MYMK: variants seen among roughly 807,000 people sequenced by gnomAD.
The protein encoded by MYMK is myomaker, myoblast fusion factor, also known as protein myomaker.
A neutral mutation model predicts 22.4 loss-of-function variants in MYMK; 16 were observed. The ratio of observed to expected loss-of-function variants is 0.72; its 90% CI spans 0.48 to 1.09. The LOEUF is 1.09. MYMK is among the 50% of genes least tolerant of loss of function. The pLI is 0.00. For missense variants in MYMK, 250 were observed against 295.6 expected (o/e 0.85, Z 1.13); for synonymous variants, 125 against 127.0 (o/e 0.98, Z 0.11).
At chr9:133,517,149 C>T (rs949581629) in intron 3 of MYMK, among the ~76,000 whole-genome samples, 2 of 152,136 alleles carry the variant, frequency 1.3e-5, no homozygotes, top group African/African-American at 4.8e-5. Flanking sequence ...CCAAGACCAG[C>T]GGGAGGAGCA....
chr9:133,515,679 C>G lies in MYMK; in HGVS notation c.400-72G>C, dbSNP rs1251964374. ...GGGAACGCCCCTCCCCAAACCAGCC[C>G]GAGAGCTGGCCCTGCACAGGCTCAC... On this transcript the variant is annotated intron_variant, in intron 3 of 4. Coordinates refer to ENST00000339996, the MANE Select transcript of MYMK (RefSeq NM_001080483.3). This position sits in a 1 kb window ranked among gnomAD's most constrained non-coding sequence, Gnocchi z 5.8. 1 of 1,013,870 alleles carries G rather than the reference C, an allele frequency of 9.9e-7. No homozygotes were observed. The highest frequency in any genetic ancestry group is 1.3e-5 in the South Asian group (1 of 76,968). The allele number at this position is 1,013,870 out of a possible 1,614,324, so 62.8% of individuals were successfully genotyped here.
chr9:133,517,798 T>C (rs1386154869), intron 3 of MYMK, among the ~76,000 whole-genome samples: 1 of 152,198 alleles, frequency 6.6e-6, no homozygotes, highest in Non-Finnish European at 1.5e-5. Flanking sequence ...GCTCCTTGGC[T>C]GTGGGGAGGA....
intron 3 of MYMK, among the ~76,000 whole-genome samples, chr9:133,516,333 T>A (rs1844631387): frequency 6.6e-6 from 1 of 152,132 alleles, no homozygotes; most frequent in Non-Finnish European, 1.5e-5. Flanking sequence ...TGGTCCCCTC[T>A]TGGGAGGGGC....
intron 1 of MYMK, among the ~76,000 whole-genome samples, chr9:133,521,797 C>T (rs1049602695): frequency 6.6e-6 from 1 of 152,224 alleles, no homozygotes; most frequent in Non-Finnish European, 1.5e-5. Context: ...GTTCTCCTGG[C>T]TTCTTCCCAT....
rs780606963 is a variant in MYMK, at chr9:133,515,562, C to T, written c.445G>A (p.Val149Ile). 4.7e-5 allele frequency: 76 copies of T among 1,613,906 alleles called. No homozygotes were observed. Among genetic ancestry groups the T allele is most frequent in the Non-Finnish European group, 6.0e-5 (71 of 1,179,908 alleles). The change falls in exon 4 of 5, where the codon GTC (valine) becomes ATC (isoleucine). Residue 149 changes from valine to isoleucine, a missense_variant. Coordinates refer to ENST00000339996, the MANE Select transcript of MYMK (RefSeq NM_001080483.3). This position sits in a 1 kb window ranked among gnomAD's most constrained non-coding sequence, Gnocchi z 5.8. ...EKKGLYPDKS[V>I]YTQQIGPGLC... Reference sequence around the variant, plus strand: ...CCGGGGCCTATCTGCTGGGTGTAGACGCTCTTGTCTGGGTACAGGCCCTTC... The same window carrying T: ...CCGGGGCCTATCTGCTGGGTGTAGATGCTCTTGTCTGGGTACAGGCCCTTC...
chr9:133,515,563 G>C lies in MYMK; in HGVS notation c.444C>G (p.Ser148Arg), dbSNP rs538117168. ...KEKKGLYPDK[S>R]VYTQQIGPGL... Reference sequence around the variant, plus strand: ...CGGGGCCTATCTGCTGGGTGTAGACGCTCTTGTCTGGGTACAGGCCCTTCT... The same window carrying C: ...CGGGGCCTATCTGCTGGGTGTAGACCCTCTTGTCTGGGTACAGGCCCTTCT... Residue 148 changes from serine to arginine, a missense_variant, in exon 4 of 5, where the codon AGC becomes AGG. Transcript: ENST00000339996. This position sits in a 1 kb window ranked among gnomAD's most constrained non-coding sequence, Gnocchi z 5.8. The C allele has an allele frequency of 6.2e-7, 1 of 1,613,968 alleles. No individual in the cohort carries two copies. The highest frequency in any genetic ancestry group is 8.5e-7 in the Non-Finnish European group (1 of 1,179,832).
At position 133,524,569 on chromosome 9, in the gene MYMK, C is replaced by G. The variant is rs1384377621; in HGVS notation, c.135+141G>C. On this transcript the variant is annotated intron_variant, in intron 1 of 4. Coordinates refer to ENST00000339996, the MANE Select transcript of MYMK (RefSeq NM_001080483.3). ...TCCCCTAGTCCTCTCTCTTCAGTCT[C>G]CAGACCCCACCTGGGCCTGCTGTTT... is the stretch of plus-strand genomic sequence containing the variant. 3 of 1,282,718 alleles carry G rather than the reference C, an allele frequency of 2.3e-6. No individual in the cohort carries two copies. The African/African-American group carries it at 4.4e-5, about 19-fold the overall frequency. The allele number at this position is 1,282,718 out of a possible 1,614,324, so 79.5% of individuals were successfully genotyped here.
chr9:133,524,862 C>G lies in MYMK; in HGVS notation c.-18G>C, dbSNP rs374463477. On this transcript the variant is annotated 5_prime_UTR_variant, in exon 1 of 5. Coordinates refer to ENST00000339996, the MANE Select transcript of MYMK (RefSeq NM_001080483.3). ...GTCCCCATGGGCCAGGAGGAAAGCA[C>G]TGGCTGGGGTGGGGAGGGTGCTGGT... The G allele has an allele frequency of 1.3e-6, 2 of 1,595,046 alleles. No homozygotes were observed. The highest frequency in any genetic ancestry group is 1.7e-6 in the Non-Finnish European group (2 of 1,169,972).
chr9:133,522,574 T>A (rs946833161), intron 1 of MYMK, among the ~76,000 whole-genome samples: 1 of 151,886 alleles, frequency 6.6e-6, no homozygotes, highest in South Asian at 2.1e-4. Flanking sequence ...TGGGGCAGGG[T>A]GGGGCCTCTG....
intron 1 of MYMK, among the ~76,000 whole-genome samples, chr9:133,520,827 C>T (rs1407580695): frequency 6.6e-6 from 1 of 152,222 alleles, no homozygotes; most frequent in Non-Finnish European, 1.5e-5. Flanking sequence ...TACACTGCAG[C>T]AGCGTTCTCA....
chr9:133,522,248 G>C (rs1242017041), intron 1 of MYMK, among the ~76,000 whole-genome samples: 2 of 152,226 alleles, frequency 1.3e-5, no homozygotes, highest in Admixed American at 6.5e-5. Flanking sequence ...GGCACTGGTG[G>C]GGTGGGTGCG....
At chr9:133,518,846 C>G in intron 3 of MYMK, 28 bp downstream of exon 3, 1 of 1,593,596 alleles carries the variant, frequency 6.3e-7, no homozygotes, top group Middle Eastern at 1.7e-4. Context: ...CCTGGGTCCC[C>G]GTTCATCGAG....
chr9:133,518,973 G>T lies in MYMK; in HGVS notation c.300C>A (p.Gly100=), dbSNP rs145292528. The T allele has an allele frequency of 3.1e-6, 5 of 1,614,002 alleles. No individual in the cohort carries two copies. In the East Asian group the frequency reaches 1.1e-4, roughly 36 times the overall value. The change falls in exon 3 of 5, where the codon GGC becomes GGA. Residue 100 remains glycine, a synonymous_variant. Coordinates refer to ENST00000339996, the MANE Select transcript of MYMK (RefSeq NM_001080483.3). ...EPKRSTFVMF[G]VLTIAVRIYH... ...AGATCCGCACAGCAATGGTCAGGAC[G>T]CCGAACATCACAAATGTTGACCTCT... is the stretch of plus-strand genomic sequence containing the variant.
At position 133,524,926 on chromosome 9, in the gene MYMK, C is replaced by A; in HGVS notation, c.-82G>T. 1 of 1,495,636 alleles carries A rather than the reference C, an allele frequency of 6.7e-7. No homozygotes were observed. Among genetic ancestry groups the A allele is most frequent in the South Asian group, 1.3e-5 (1 of 76,128 alleles). The allele number at this position is 1,495,636 out of a possible 1,614,324, so 92.6% of individuals were successfully genotyped here. A position where few individuals can be genotyped will look rare whatever the true frequency, so the allele number is the denominator to read the frequency against. On this transcript the variant is annotated 5_prime_UTR_variant, in exon 1 of 5. Transcript: ENST00000339996. ...AGCACAGGAGCACGAAGTGGGAAGG[C>A]CAGCTCCCTTTGGGCAGGGCTCTGA...
At chr9:133,517,943 G>T (rs970811566) in intron 3 of MYMK, among the ~76,000 whole-genome samples, 1 of 152,220 alleles carries the variant, frequency 6.6e-6, no homozygotes, top group African/African-American at 2.4e-5. Context: ...GTGTGGCTGG[G>T]CTGGACCAGG....
intron 2 of MYMK, among the ~76,000 whole-genome samples, chr9:133,519,733 A>C (rs914655115): frequency 1.3e-5 from 2 of 152,166 alleles, no homozygotes; most frequent in African/African-American, 4.8e-5. Flanking sequence ...CGTGGAAAAA[A>C]ACATGGTGGG....
rs890283834 is a variant in MYMK at position 133,524,939 on chromosome 9, G to C, written c.-95C>G. 7 of 1,451,220 alleles carry C rather than the reference G, an allele frequency of 4.8e-6. No homozygotes were observed. Among genetic ancestry groups the C allele is most frequent in the Non-Finnish European group, 6.5e-6 (7 of 1,082,704 alleles). 89.9% of individuals were successfully genotyped at this position (1,451,220 alleles called of 1,614,324 possible). A position where few individuals can be genotyped will look rare whatever the true frequency, so the allele number is the denominator to read the frequency against. On this transcript the variant is annotated 5_prime_UTR_variant, in exon 1 of 5. Transcript: ENST00000339996. ...GAAGTGGGAAGGCCAGCTCCCTTTG[G>C]GCAGGGCTCTGATGGCAGCTGCGGG...
intron 4 of MYMK, 36 bp from the exon 5 acceptor site, chr9:133,514,821 C>T: frequency 6.3e-7 from 1 of 1,596,858 alleles, no homozygotes; most frequent in Non-Finnish European, 8.5e-7. Flanking sequence ...GGGCCTCAGC[C>T]CCCTCCCCGA....
In MYMK at chr9:133,523,506, G is replaced by A. The variant is rs138114619; in HGVS notation, c.135+1204C>T. On this transcript the variant is annotated intron_variant, in intron 1 of 4. Transcript: ENST00000339996. ...AGCAAGGAAGGCTTCGGGAGAGCAA[G>A]AGGTGGGGCACCACTTGTGGGAGTC... Among the ~76,000 whole-genome samples, 207 of 152,290 alleles carry A rather than the reference G, an allele frequency of 1.4e-3. 1 individual carries two copies. Among genetic ancestry groups the A allele is most frequent in the African/African-American group, 4.7e-3 (197 of 41,556 alleles).
Sources: allele counts gnomAD v4.1 joint callset (sites outside exome capture counted in the v4.1 genomes callset), GRCh38; gene constraint gnomAD v4.1.1; non-coding constraint Gnocchi (gnomAD v3.1); transcripts MANE v1.5; gene names NCBI Gene and HGNC (gene_info 2026-07-23, HGNC 2026-07-21).